RSRC1: variants seen among roughly 807,000 people sequenced by gnomAD.
The protein encoded by RSRC1 is arginine and serine rich coiled-coil 1.
A neutral mutation model predicts 49.1 loss-of-function variants in RSRC1; 39 were observed. That is an observed-to-expected ratio of 0.79 (90% CI 0.61 to 1.04). The LOEUF (loss-of-function observed/expected upper bound fraction) is 1.04. Among genes scored for constraint, RSRC1 ranks in the 50% least tolerant of loss-of-function variants. The probability of loss-of-function intolerance (pLI) is 0.00; values close to 1 mark genes in which losing one functional copy is unlikely to be tolerated. For synonymous variants in RSRC1, 143 were observed against 130.8 expected (o/e 1.09, Z -0.63); for missense variants, 388 against 402.4 (o/e 0.96, Z 0.31).
At chr3:158,186,877 A>G (rs565522616) in intron 3 of RSRC1, among the ~76,000 whole-genome samples, 1 of 152,072 alleles carries the variant, frequency 6.6e-6, no homozygotes, top group Admixed American at 6.6e-5. Context: ...TAAGGTTGAT[A>G]TGATGAGAAT....
chr3:158,363,850 G>GT (rs1277641672), intron 6 of RSRC1, among the ~76,000 whole-genome samples: 1 of 152,110 alleles, frequency 6.6e-6, no homozygotes, highest in Non-Finnish European at 1.5e-5. Context: ...CTAAAGTAAT[G>GT]TTTTATGATT....
At chr3:158,231,431 C>T (rs1021257829) in intron 4 of RSRC1, among the ~76,000 whole-genome samples, 3 of 151,916 alleles carry the variant, frequency 2.0e-5, no homozygotes, top group Non-Finnish European at 2.9e-5. Context: ...CTACCATGCC[C>T]GACCAAGTTA....
At chr3:158,481,091 A>G (rs572614749) in intron 7 of RSRC1, among the ~76,000 whole-genome samples, 2 of 152,178 alleles carry the variant, frequency 1.3e-5, no homozygotes, top group African/African-American at 4.8e-5. Flanking sequence ...CTTGAGCTTT[A>G]TTCTGGTGGG....
chr3:158,138,802 T>A (rs73874307), intron 3 of RSRC1, among the ~76,000 whole-genome samples: 12,397 of 152,262 alleles, frequency 0.081, 604 homozygotes, highest in South Asian at 0.13. Context: ...CCTGTGAAAT[T>A]GCAGAATTGT....
At chr3:158,403,416 A>G (rs959269352) in intron 6 of RSRC1, among the ~76,000 whole-genome samples, 1 of 151,714 alleles carries the variant, frequency 6.6e-6, no homozygotes, top group Admixed American at 6.6e-5. Context: ...GGTAGAAATT[A>G]CTCTCCATAG....
intron 7 of RSRC1, chr3:158,496,787 A>G: frequency 4.1e-6 from 1 of 244,910 alleles, no homozygotes; most frequent in South Asian, 5.7e-5. Flanking sequence ...AAGGTTGATG[A>G]CCGTAAGAAA....
At chr3:158,227,063 T>C (rs755755215) in intron 4 of RSRC1, among the ~76,000 whole-genome samples, 11 of 151,854 alleles carry the variant, frequency 7.2e-5, no homozygotes, top group Non-Finnish European at 1.5e-4. Flanking sequence ...AGATATAAGA[T>C]TTTGTTGGGT....
intron 6 of RSRC1, among the ~76,000 whole-genome samples, chr3:158,398,897 A>G (rs1044809873): frequency 2.6e-5 from 4 of 152,042 alleles, no homozygotes; most frequent in Non-Finnish European, 4.4e-5. Context: ...TGTTGGTTGA[A>G]AATTCTAATT....
intron 6 of RSRC1, among the ~76,000 whole-genome samples, chr3:158,436,705 C>T (rs1560042114): frequency 6.6e-6 from 1 of 151,534 alleles, no homozygotes; most frequent in Non-Finnish European, 1.5e-5. Context: ...ACAATAATTA[C>T]TATATTTAAA....
chr3:158,192,864 T>C (rs1478042164), intron 3 of RSRC1, among the ~76,000 whole-genome samples: 1 of 152,082 alleles, frequency 6.6e-6, no homozygotes, highest in African/African-American at 2.4e-5. Context: ...ATTATTCACC[T>C]TCCTATATAA....
intron 7 of RSRC1, among the ~76,000 whole-genome samples, chr3:158,533,589 A>C (rs1339735258): frequency 6.6e-6 from 1 of 151,704 alleles, no homozygotes; most frequent in Non-Finnish European, 1.5e-5. Context: ...ATTTAATACT[A>C]ATGATTTCCT....
At chr3:158,411,206 A>G (rs114411435) in intron 6 of RSRC1, among the ~76,000 whole-genome samples, 1 of 152,110 alleles carries the variant, frequency 6.6e-6, no homozygotes, top group African/African-American at 2.4e-5. Flanking sequence ...CTGTTGATGG[A>G]CTTTTGAGTT....
At chr3:158,504,740 G>C (rs1252168423) in intron 7 of RSRC1, among the ~76,000 whole-genome samples, 2 of 152,144 alleles carry the variant, frequency 1.3e-5, no homozygotes, top group African/African-American at 4.8e-5. Flanking sequence ...ATGTTAGCTG[G>C]AGGCTATATA....
At chr3:158,514,802 A>T (rs1051327694) in intron 7 of RSRC1, among the ~76,000 whole-genome samples, 8 of 152,164 alleles carry the variant, frequency 5.3e-5, no homozygotes, top group African/African-American at 9.7e-5. Context: ...TGGGTGCTCC[A>T]GTATTGGGTG....
At chr3:158,458,989 C>T (rs1269303164) in intron 6 of RSRC1, among the ~76,000 whole-genome samples, 3 of 151,994 alleles carry the variant, frequency 2.0e-5, no homozygotes, top group Non-Finnish European at 4.4e-5. Context: ...GTAATTGTTC[C>T]CTTCAAGTGA....
chr3:158,141,223 C>T lies in RSRC1; in HGVS notation c.320+17232C>T, dbSNP rs540364504. ...CCACAGCTTCTATTCCATGCTTTAT[C>T]CAAAGGATGGAGAAAATTCCAGTTT... On this transcript the variant is annotated intron_variant, in intron 3 of 9. Transcript: ENST00000611884. Among the ~76,000 whole-genome samples the T allele has an allele frequency of 2.7e-4, 41 of 152,228 alleles. 1 individual carries two copies. In the South Asian group the frequency reaches 7.9e-3, roughly 29 times the overall value.
intron 6 of RSRC1, among the ~76,000 whole-genome samples, chr3:158,412,590 A>T (rs1734518849): frequency 6.6e-6 from 1 of 152,130 alleles, no homozygotes; most frequent in South Asian, 2.1e-4. Flanking sequence ...TCTCTCATTA[A>T]CATTAAATAA....
At chr3:158,475,435 G>A (rs1738324165) in intron 7 of RSRC1, among the ~76,000 whole-genome samples, 2 of 152,062 alleles carry the variant, frequency 1.3e-5, no homozygotes, top group South Asian at 2.1e-4. Flanking sequence ...CTTTGACAAT[G>A]TTTTTTTACA....
At chr3:158,294,756 A>T (rs532534868) in intron 4 of RSRC1, among the ~76,000 whole-genome samples, 22 of 152,318 alleles carry the variant, frequency 1.4e-4, no homozygotes, top group East Asian at 3.9e-4. Context: ...ATGTTCATGC[A>T]CATACAGGCA....
Sources: gnomAD v4.1 joint callset for allele counts (sites outside exome capture counted in the v4.1 genomes callset) on GRCh38, gnomAD v4.1.1 for gene constraint, MANE v1.5 for transcripts, NCBI Gene and HGNC (gene_info 2026-07-23, HGNC 2026-07-21) for gene names.